PTPRD: variants seen among roughly 807,000 people sequenced by gnomAD.
PTPRD encodes the protein receptor-type tyrosine-protein phosphatase delta.
Under a neutral mutation model 214.5 loss-of-function variants are expected in PTPRD, and 34 were observed. The observed-to-expected ratio is 0.16, with a 90% CI of 0.12 to 0.21. The LOEUF is 0.21. PTPRD is among the 10% of genes least tolerant of loss of function. The pLI, the probability that PTPRD is intolerant of heterozygous loss-of-function variation, is 1.00. For missense variants in PTPRD, 2,545 were observed against 2,398.7 expected (o/e 1.06, Z -1.27); for synonymous variants, 1,128 against 845.7 (o/e 1.33, Z -5.79).
At chr9:9,275,149 T>C (rs1251077986) in intron 9 of PTPRD, among the ~76,000 whole-genome samples, 2 of 63,598 alleles carry the variant, frequency 3.1e-5, no homozygotes, top group East Asian at 6.4e-4. Context: ...ATATATATAA[T>C]ATATTATATA....
At chr9:9,128,233 G>T (rs963332785) in intron 10 of PTPRD, among the ~76,000 whole-genome samples, 1 of 152,086 alleles carries the variant, frequency 6.6e-6, no homozygotes, top group Non-Finnish European at 1.5e-5. Flanking sequence ...TTGTTAATAG[G>T]TCTTTCTAAA....
intron 3 of PTPRD, among the ~76,000 whole-genome samples, chr9:10,079,336 G>T (rs1414128912): frequency 6.6e-6 from 1 of 152,046 alleles, no homozygotes; most frequent in Admixed American, 6.6e-5. Flanking sequence ...CGTATGCAGG[G>T]ATTTCATTAA....
chr9:9,676,286 C>T (rs1042204844), intron 7 of PTPRD, among the ~76,000 whole-genome samples: 2 of 131,562 alleles, frequency 1.5e-5, no homozygotes, highest in Non-Finnish European at 3.2e-5. Context: ...CTCCCCCCAC[C>T]CCACAACAGG....
intron 39 of PTPRD, among the ~76,000 whole-genome samples, chr9:8,353,557 T>C (rs930621791): frequency 6.6e-6 from 1 of 152,042 alleles, no homozygotes; most frequent in Non-Finnish European, 1.5e-5. Context: ...CTCAGCCTCC[T>C]GAGTAGCTGG....
At chr9:9,014,201 T>TTTTG (rs2099524472) in intron 11 of PTPRD, among the ~76,000 whole-genome samples, 13 of 133,184 alleles carry the variant, frequency 9.8e-5, no homozygotes, top group South Asian at 8.9e-4. Flanking sequence ...GTTTGTTTGT[T>TTTTG]TTTTTTTTTT....
chr9:10,480,946 T>C (rs1773903253), intron 2 of PTPRD, among the ~76,000 whole-genome samples: 1 of 152,170 alleles, frequency 6.6e-6, no homozygotes, highest in Non-Finnish European at 1.5e-5. Flanking sequence ...AGATTGGAAC[T>C]TGTTCTGGGA....
At chr9:10,174,136 T>C (rs1381672337) in intron 3 of PTPRD, among the ~76,000 whole-genome samples, 1 of 152,210 alleles carries the variant, frequency 6.6e-6, no homozygotes, top group South Asian at 2.1e-4. Flanking sequence ...CCCAGAAATA[T>C]TTTGAATTTT....
intron 8 of PTPRD, among the ~76,000 whole-genome samples, chr9:9,458,088 T>G (rs1488134785): frequency 6.6e-6 from 1 of 152,042 alleles, no homozygotes; most frequent in African/African-American, 2.4e-5. Context: ...TAGATTTTCT[T>G]TAGAATGTTA....
intron 3 of PTPRD, among the ~76,000 whole-genome samples, chr9:10,225,160 T>C (rs2099584651): frequency 6.6e-6 from 1 of 151,954 alleles, no homozygotes; most frequent in Non-Finnish European, 1.5e-5. Flanking sequence ...TATATTTTTA[T>C]TATCAAAAGA....
rs60513294 is a variant in PTPRD at position 8,367,228 on chromosome 9, A to AT, written c.4661+8707dup. Among the ~76,000 whole-genome samples, 565 of 150,870 alleles carry AT rather than the reference A, an allele frequency of 3.7e-3. 4 individuals carry two copies. Among genetic ancestry groups the AT allele is most frequent in the African/African-American group, 0.012 (490 of 41,174 alleles). The stretch of plus-strand genomic sequence containing the variant: ...AAATAAGAGTTGCATTCAAATAAGC[A>AT]TTTTTTTTTTAAGTTAGAAGCTTTG... On this transcript the variant is annotated intron_variant, in intron 39 of 45. Coordinates refer to ENST00000381196, the MANE Select transcript of PTPRD (RefSeq NM_002839.4).
intron 3 of PTPRD, among the ~76,000 whole-genome samples, chr9:10,047,312 C>CGTGTGTGTGTGTGTGTGTGTGTG (rs1316571345): frequency 1.1e-4 from 15 of 138,810 alleles, no homozygotes; most frequent in Admixed American, 5.2e-4. Flanking sequence ...AATCAACTAA[C>CGTGTGTGTGTGTGTGTGTGTGTG]TGTGTGTGTG....
chr9:9,698,228 C>G (rs897672422), intron 7 of PTPRD, among the ~76,000 whole-genome samples: 1 of 152,160 alleles, frequency 6.6e-6, no homozygotes, highest in Non-Finnish European at 1.5e-5. Context: ...GTCTTCCCAT[C>G]AAAGGACTAG....
chr9:8,345,538 G>T (rs1475985658), intron 39 of PTPRD, among the ~76,000 whole-genome samples: 1 of 152,042 alleles, frequency 6.6e-6, no homozygotes, highest in Non-Finnish European at 1.5e-5. Context: ...AAGGACACTA[G>T]TCAAGGGAGT....
At chr9:8,984,313 A>T (rs1390903056) in intron 11 of PTPRD, among the ~76,000 whole-genome samples, 2 of 152,106 alleles carry the variant, frequency 1.3e-5, no homozygotes, top group Non-Finnish European at 2.9e-5. Context: ...ATGTGCCCTA[A>T]GCGGAAAGGT....
chr9:9,325,001 T>C (rs902069320), intron 9 of PTPRD, among the ~76,000 whole-genome samples: 27 of 152,212 alleles, frequency 1.8e-4, no homozygotes, highest in African/African-American at 6.0e-4. Context: ...CAGATGGTTG[T>C]AGATGTGTGG....
intron 8 of PTPRD, among the ~76,000 whole-genome samples, chr9:9,496,547 C>T (rs532970005): frequency 4.7e-4 from 72 of 152,126 alleles, no homozygotes; most frequent in Admixed American, 4.1e-3. Context: ...ATAAGGATGG[C>T]TACTATTTAA....
chr9:8,521,133 T>C, intron 20 of PTPRD, 144 bp downstream of exon 20: 12 of 986,910 alleles, frequency 1.2e-5, no homozygotes, highest in Non-Finnish European at 1.4e-5. Context: ...TGTTATATAA[T>C]ACCACAGATA....
At chr9:10,386,482 G>T (rs887430011) in intron 2 of PTPRD, among the ~76,000 whole-genome samples, 1 of 151,800 alleles carries the variant, frequency 6.6e-6, no homozygotes, top group Non-Finnish European at 1.5e-5. Flanking sequence ...TGTCCACAGG[G>T]ACTGTGCACA....
chr9:8,521,983 C>T (rs140847267), intron 19 of PTPRD, among the ~76,000 whole-genome samples: 4 of 152,214 alleles, frequency 2.6e-5, no homozygotes, highest in Non-Finnish European at 5.9e-5. Flanking sequence ...GTGCTGTGCA[C>T]TTCCAGTTGA....
Sources: allele counts gnomAD v4.1 joint callset (sites outside exome capture counted in the v4.1 genomes callset), GRCh38; gene constraint gnomAD v4.1.1; transcripts MANE v1.5; gene names NCBI Gene and HGNC (gene_info 2026-07-23, HGNC 2026-07-21).